The following DMD variants were observed in gnomAD, a reference collection of about 807,000 sequenced individuals.
DMD encodes the protein dystrophin.
A neutral mutation model predicts 330.1 loss-of-function variants in DMD; 63 were observed. That is an observed-to-expected ratio of 0.19 (90% confidence interval 0.16 to 0.24). The LOEUF is 0.24. DMD is among the 10% of genes least tolerant of loss of function. The pLI, the probability that DMD is intolerant of heterozygous loss-of-function variation, is 1.00. For missense variants in DMD, 3,344 were observed against 2,684.1 expected, an observed-to-expected ratio of 1.25 and a Z score of -5.43; for synonymous variants, 1,223 against 959.8, an observed-to-expected ratio of 1.27 and a Z score of -5.07.
chrX:32,734,134 A>C (rs1473309795), intron 7 of DMD, among the ~76,000 whole-genome samples: 1 of 108,523 alleles, frequency 9.2e-6, no homozygotes, highest in African/African-American at 3.4e-5. Flanking sequence ...TACTACAAAC[A>C]CCTCTACGCA....
At chrX:32,070,682 C>T (rs930445326) in intron 44 of DMD, among the ~76,000 whole-genome samples, 4 of 110,751 alleles carry the variant, frequency 3.6e-5, no homozygotes, top group Non-Finnish European at 7.6e-5. Flanking sequence ...GACCTGGATG[C>T]GATTGGAGAC....
chrX:31,889,639 TCTCTCTCTCA>T (rs1299970231), intron 47 of DMD, among the ~76,000 whole-genome samples: 3 of 74,390 alleles, frequency 4.0e-5, no homozygotes, highest in Non-Finnish European at 7.4e-5. Flanking sequence ...TCTCTCTCTC[TCTCTCTCTCA>T]CACACACACA....
intron 60 of DMD, among the ~76,000 whole-genome samples, chrX:31,393,416 G>T (rs1466405375): frequency 9.6e-6 from 1 of 104,322 alleles, no homozygotes; most frequent in Non-Finnish European, 2.0e-5. Flanking sequence ...GACAGAGGTT[G>T]CAGTGAGCCG....
intron 53 of DMD, among the ~76,000 whole-genome samples, chrX:31,671,785 C>A (rs917670988): frequency 9.0e-6 from 1 of 110,836 alleles, no homozygotes. Context: ...GTAATTTGAC[C>A]ATTTCTTTCC....
chrX:31,860,533 G>A (rs1244102814), intron 48 of DMD, among the ~76,000 whole-genome samples: 1 of 112,252 alleles, frequency 8.9e-6, no homozygotes, highest in Non-Finnish European at 1.9e-5. Context: ...TAACTCTCTT[G>A]ATGCAGATAA....
chrX:32,446,738 C>T (rs186112205), intron 27 of DMD, among the ~76,000 whole-genome samples: 144 of 110,196 alleles, frequency 1.3e-3, no homozygotes, highest in Middle Eastern at 9.2e-3. Context: ...ACGCGGAAAA[C>T]GGAAGAGGTA....
intron 55 of DMD, among the ~76,000 whole-genome samples, chrX:31,552,989 T>A (rs1320746331): frequency 9.0e-6 from 1 of 111,423 alleles, no homozygotes; most frequent in East Asian, 2.8e-4. Flanking sequence ...CTCCTGAAAA[T>A]CTGAAAAAGG....
rs2049100862 is a variant in DMD, at chrX:31,249,105, C to T, written c.9286+11850G>A. ...ACCAGGCAGACCCTGATTGATACATCTTCCAAATCAAAAACCTTAGTATAA... is the reference window on the plus strand; with the variant it reads ...ACCAGGCAGACCCTGATTGATACATTTTCCAAATCAAAAACCTTAGTATAA... On this transcript the variant is annotated intron_variant, in intron 63 of 78. Coordinates refer to ENST00000357033, the MANE Select transcript of DMD (RefSeq NM_004006.3). Among the ~76,000 whole-genome samples the T allele has an allele frequency of 2.7e-5, 3 of 112,147 alleles. No individual in the cohort carries two copies. In the Admixed American group the frequency reaches 2.8e-4, roughly 11 times the overall value.
chrX:32,643,997 C>A (rs2059633119), intron 11 of DMD, 135 bp downstream of exon 11: 2 of 537,382 alleles, frequency 3.7e-6, no homozygotes, highest in Admixed American at 7.7e-5. Flanking sequence ...AAAATCCAAC[C>A]AGTCTCCCTT....
chrX:32,655,307 A>G (rs202068539), intron 9 of DMD, among the ~76,000 whole-genome samples: 1 of 112,170 alleles, frequency 8.9e-6, no homozygotes, highest in Non-Finnish European at 1.9e-5. Flanking sequence ...ACACTGCTTT[A>G]AATGTGTCCC....
intron 63 of DMD, among the ~76,000 whole-genome samples, chrX:31,225,201 T>G (rs1239972513): frequency 8.9e-6 from 1 of 112,433 alleles, no homozygotes; most frequent in Admixed American, 9.4e-5. Flanking sequence ...GATGTATGTG[T>G]GTGTTAGCTT....
intron 9 of DMD, among the ~76,000 whole-genome samples, chrX:32,657,568 AC>A (rs1236171692): frequency 9.0e-6 from 1 of 111,718 alleles, no homozygotes; most frequent in African/African-American, 3.3e-5. Context: ...CAGTAAACAA[AC>A]CGACATTCCT....
intron 1 of DMD, among the ~76,000 whole-genome samples, chrX:33,160,278 T>C (rs1156986546): frequency 4.5e-5 from 5 of 111,662 alleles, no homozygotes; most frequent in Non-Finnish European, 9.4e-5. Context: ...ATAACCCCAC[T>C]GTAAGTCGAG....
intron 41 of DMD, among the ~76,000 whole-genome samples, chrX:32,335,716 T>TATAACATATAACATGTTATATAC (rs1160822688): frequency 2.4e-5 from 2 of 83,771 alleles, no homozygotes; most frequent in Non-Finnish European, 4.7e-5. Flanking sequence ...AACATGTATA[T>TATAACATATAACATGTTATATAC]ATAACATGTA....
intron 21 of DMD, among the ~76,000 whole-genome samples, chrX:32,473,973 T>C (rs2040931214): frequency 9.1e-6 from 1 of 110,038 alleles, no homozygotes; most frequent in Non-Finnish European, 1.9e-5. Context: ...TAGTCTTTTC[T>C]CTCTCCCCCC....
intron 7 of DMD, among the ~76,000 whole-genome samples, chrX:32,731,712 G>C (rs953839038): frequency 8.9e-6 from 1 of 111,920 alleles, no homozygotes; most frequent in East Asian, 2.8e-4. Context: ...CTGTCTGTTA[G>C]AAGGAAAACT....
chrX:32,535,362 A>T, intron 17 of DMD, among the ~76,000 whole-genome samples: 1 of 111,718 alleles, frequency 9.0e-6, no homozygotes, highest in East Asian at 2.8e-4. Flanking sequence ...GTTCATTTGG[A>T]GGCAATGGCA....
At chrX:31,963,929 G>A (rs1384890157) in intron 45 of DMD, among the ~76,000 whole-genome samples, 1 of 109,171 alleles carries the variant, frequency 9.2e-6, no homozygotes, top group Non-Finnish European at 1.9e-5. Flanking sequence ...AAAGCCATTA[G>A]ATGATTTATT....
At chrX:32,512,217 T>C (rs1254741808) in intron 18 of DMD, among the ~76,000 whole-genome samples, 1 of 112,244 alleles carries the variant, frequency 8.9e-6, no homozygotes, top group Non-Finnish European at 1.9e-5. Context: ...CCTTCTTTAT[T>C]AGCACCTCTT....
Sources: allele counts gnomAD v4.1 joint callset (sites outside exome capture counted in the v4.1 genomes callset), GRCh38; gene constraint gnomAD v4.1.1; transcripts MANE v1.5; gene names NCBI Gene and HGNC (gene_info 2026-07-23, HGNC 2026-07-21).